Variants in ATP8B4 observed in about 807,000 individuals in gnomAD.
The protein encoded by ATP8B4 is ATPase phospholipid transporting 8B4 (putative).
A neutral mutation model predicts 145.6 loss-of-function variants in ATP8B4; 133 were observed. The observed-to-expected ratio is 0.91, with a 90% confidence interval of 0.79 to 1.05. The LOEUF is 1.05. Ranked by LOEUF, ATP8B4 falls within the 50% of genes least tolerant of loss-of-function variation. ATP8B4 has a pLI of 0.00. For synonymous variants in ATP8B4, 507 were observed against 492.9 expected, an observed-to-expected ratio of 1.03 and a Z score of -0.38; for missense variants, 1,458 against 1,425.2, an observed-to-expected ratio of 1.02 and a Z score of -0.37.
chr15:49,876,123 G>A (rs766840129), intron 25 of ATP8B4, among the ~76,000 whole-genome samples, 155 bp downstream of exon 25: 10 of 152,194 alleles, frequency 6.6e-5, no homozygotes, highest in African/African-American at 1.2e-4. Context: ...TTATGTTAAA[G>A]CTTCCTGCTT....
At position 49,859,950 on chromosome 15, in the gene ATP8B4, C is replaced by G; in HGVS notation, c.*244G>C. 1 of 424,664 alleles carries G rather than the reference C, an allele frequency of 2.4e-6. No homozygotes were observed. Among genetic ancestry groups the G allele is most frequent in the Non-Finnish European group, 4.1e-6 (1 of 244,094 alleles). The allele number at this position is 424,664 out of a possible 1,614,324, so 26.3% of individuals were successfully genotyped here. On this transcript the variant is annotated 3_prime_UTR_variant, in exon 28 of 28. Transcript: ENST00000284509. ...AGGTTGATTTAAAAAAAAAAAAAAT[C>G]TGTACTTGTAACAGCGAGTGTTTTG...
At chr15:50,141,915 G>C (rs1165272041) in intron 1 of ATP8B4, among the ~76,000 whole-genome samples, 1 of 152,190 alleles carries the variant, frequency 6.6e-6, no homozygotes, top group Admixed American at 6.5e-5. Flanking sequence ...GAGAGGTGTT[G>C]CGGTAAGCCA....
intron 3 of ATP8B4, among the ~76,000 whole-genome samples, chr15:50,049,838 A>C (rs1322081355): frequency 2.0e-5 from 3 of 151,808 alleles, no homozygotes; most frequent in Non-Finnish European, 2.9e-5. Flanking sequence ...TTTACTTTTT[A>C]ATAATGGCCA....
At chr15:50,097,931 G>A (rs894473663) in intron 2 of ATP8B4, among the ~76,000 whole-genome samples, 9 of 152,122 alleles carry the variant, frequency 5.9e-5, no homozygotes, top group Admixed American at 5.2e-4. Flanking sequence ...AACCTTCAGA[G>A]GTAAACATTA....
intron 7 of ATP8B4, chr15:50,009,643 AC>A (rs1317064796): frequency 2.2e-6 from 1 of 454,764 alleles, no homozygotes; most frequent in East Asian, 7.0e-5. Flanking sequence ...AACAGACACC[AC>A]CTTCCAGGGT....
chr15:49,979,535 C>T, intron 12 of ATP8B4, 82 bp downstream of exon 12: 1 of 1,199,072 alleles, frequency 8.3e-7, no homozygotes, highest in Non-Finnish European at 1.1e-6. Flanking sequence ...ATCTATTGCA[C>T]TGCTGAAACT....
chr15:50,141,036 C>A (rs1188058503), intron 1 of ATP8B4, among the ~76,000 whole-genome samples: 1 of 152,116 alleles, frequency 6.6e-6, no homozygotes, highest in Non-Finnish European at 1.5e-5. Context: ...CAGAGATCCC[C>A]ACCCCAATAT....
At chr15:49,863,272 C>G (rs1001942340) in intron 26 of ATP8B4, among the ~76,000 whole-genome samples, 1 of 152,216 alleles carries the variant, frequency 6.6e-6, no homozygotes, top group Non-Finnish European at 1.5e-5. Context: ...AGAACATTCC[C>G]TCACCAGGAG....
rs28594755 is a variant in ATP8B4 at position 50,021,896 on chromosome 15, G to A, written c.363-10979C>T. 9.6e-3 allele frequency among the ~76,000 whole-genome samples: 1,460 copies of A among 152,178 alleles called. 30 individuals are homozygous for A. Among genetic ancestry groups the A allele is most frequent in the African/African-American group, 0.034 (1,402 of 41,512 alleles). On this transcript the variant is annotated intron_variant, in intron 6 of 27. Coordinates refer to ENST00000284509, the MANE Select transcript of ATP8B4 (RefSeq NM_024837.4). Reference sequence around the variant, plus strand: ...CTATTTATGTGATCACTCATAATGTGTGCATAGCATATTTAGTTCTAGAGC... The same window carrying A: ...CTATTTATGTGATCACTCATAATGTATGCATAGCATATTTAGTTCTAGAGC...
chr15:49,988,629 A>G (rs891646929), intron 9 of ATP8B4, among the ~76,000 whole-genome samples: 1 of 152,194 alleles, frequency 6.6e-6, no homozygotes, highest in Non-Finnish European at 1.5e-5. Context: ...AAGTTGGAAC[A>G]TAAAACATAG....
intron 7 of ATP8B4, among the ~76,000 whole-genome samples, chr15:50,005,332 T>A (rs1420515444): frequency 2.0e-5 from 3 of 152,198 alleles, no homozygotes; most frequent in Non-Finnish European, 4.4e-5. Flanking sequence ...ATAGGGTTAT[T>A]AGGCATAATA....
intron 1 of ATP8B4, among the ~76,000 whole-genome samples, chr15:50,164,059 G>C (rs2044560504): frequency 6.6e-6 from 1 of 152,174 alleles, no homozygotes; most frequent in Non-Finnish European, 1.5e-5. Flanking sequence ...GCAGGTCCAA[G>C]AATGTTGTTC....
intron 2 of ATP8B4, among the ~76,000 whole-genome samples, chr15:50,085,318 C>T (rs1252763118): frequency 1.3e-5 from 2 of 152,174 alleles, no homozygotes; most frequent in Non-Finnish European, 2.9e-5. Flanking sequence ...CTGAGACCAT[C>T]ATCTCCTCCA....
At chr15:50,064,029 G>A (rs2053209698) in intron 3 of ATP8B4, among the ~76,000 whole-genome samples, 2 of 152,080 alleles carry the variant, frequency 1.3e-5, no homozygotes. Flanking sequence ...CTTCTAAAGG[G>A]ATAAAAGCAC....
intron 25 of ATP8B4, among the ~76,000 whole-genome samples, chr15:49,870,223 T>C (rs2033467638): frequency 6.6e-6 from 1 of 152,180 alleles, no homozygotes; most frequent in African/African-American, 2.4e-5. Context: ...CCAGAATATC[T>C]AGTTAAGCAA....
At chr15:49,983,829 C>G (rs940820304) in intron 10 of ATP8B4, among the ~76,000 whole-genome samples, 1 of 152,232 alleles carries the variant, frequency 6.6e-6, no homozygotes, top group Non-Finnish European at 1.5e-5. Flanking sequence ...GCTCTCCATA[C>G]CCCATACTGG....
At chr15:50,170,503 C>CG (rs1555498985) in intron 1 of ATP8B4, among the ~76,000 whole-genome samples, 4 of 147,890 alleles carry the variant, frequency 2.7e-5, no homozygotes, top group East Asian at 4.0e-4. Context: ...AAACCCCCCC[C>CG]ACCCTCCACA....
intron 6 of ATP8B4, among the ~76,000 whole-genome samples, chr15:50,011,178 C>T (rs1047556731): frequency 3.9e-5 from 6 of 152,124 alleles, no homozygotes; most frequent in African/African-American, 1.4e-4. Flanking sequence ...CTTTCCACCA[C>T]CTATGGTGCC....
intron 5 of ATP8B4, among the ~76,000 whole-genome samples, chr15:50,041,286 G>T (rs745626970): frequency 6.6e-6 from 1 of 152,194 alleles, no homozygotes; most frequent in South Asian, 2.1e-4. Flanking sequence ...AATTACCTCT[G>T]GAGCTCATAG....
Sources: gnomAD v4.1 joint callset for allele counts (sites outside exome capture counted in the v4.1 genomes callset) on GRCh38, gnomAD v4.1.1 for gene constraint, MANE v1.5 for transcripts, NCBI Gene and HGNC (gene_info 2026-07-23, HGNC 2026-07-21) for gene names.